HIVEP2: variants seen among roughly 807,000 people sequenced by gnomAD.
HIVEP2 encodes the protein transcription factor HIVEP2.
A neutral mutation model predicts 180.7 loss-of-function variants in HIVEP2; 14 were observed. The ratio of observed to expected loss-of-function variants is 0.08; its 90% CI spans 0.05 to 0.12. The LOEUF (loss-of-function observed/expected upper bound fraction) is 0.12, where lower values mean the gene tolerates loss of function less well. Ranked by LOEUF, HIVEP2 falls within the 10% of genes least tolerant of loss-of-function variation. The pLI, the probability that HIVEP2 is intolerant of heterozygous loss-of-function variation, is 1.00. For synonymous variants in HIVEP2, 1,184 were observed against 1,136.4 expected (o/e 1.04, Z -0.84); for missense variants, 2,579 against 3,008.5 (o/e 0.86, Z 3.34).
Position 142,771,983 on chromosome 6 carries a change from T to G in HIVEP2, c.2756A>C (p.Gln919Pro). ...AAGGGTCTCACTTCTCTGGGGCCAC[T>G]GAAATTCTTCCACAGGCTTCTCTGG... ...KEPEKPVEEF[Q>P]WPQRSETLSQ... Residue 919 changes from glutamine to proline, a missense_variant, in exon 5 of 10, where the codon CAG (glutamine) becomes CCG (proline). Gln to Pro is a moderately conservative substitution (Grantham distance 76, BLOSUM62 -1). Coordinates refer to ENST00000367603, the MANE Select transcript of HIVEP2 (RefSeq NM_006734.4). This position sits in a 1 kb window ranked among gnomAD's most constrained non-coding sequence, Gnocchi z 5.4. 6.2e-7 allele frequency: 1 copy of G among 1,614,218 alleles called. No individual in the cohort carries two copies. Among genetic ancestry groups the G allele is most frequent in the Non-Finnish European group, 8.5e-7 (1 of 1,180,030 alleles).
At chr6:142,831,849 AT>A (rs1456746196) in intron 2 of HIVEP2, among the ~76,000 whole-genome samples, 1 of 152,202 alleles carries the variant, frequency 6.6e-6, no homozygotes, top group African/African-American at 2.4e-5. Context: ...TATAATTAAA[AT>A]TAAACCTGTG....
chr6:142,889,496 G>A (rs954605299), intron 1 of HIVEP2, among the ~76,000 whole-genome samples: 1 of 152,112 alleles, frequency 6.6e-6, no homozygotes, highest in Non-Finnish European at 1.5e-5. Context: ...CAAAACTCCT[G>A]ATGTGGTCTA....
In HIVEP2 at chr6:142,823,527, A is replaced by G. The variant is rs555476194; in HGVS notation, c.-528+13408T>C. On this transcript the variant is annotated intron_variant, in intron 2 of 9. Transcript: ENST00000367603. ...CATTAATGCTTAGGTAAAAGAAAAG[A>G]CTTAAGAGTCATTTCTCTCAGATGG... 3.9e-5 allele frequency among the ~76,000 whole-genome samples: 6 copies of G among 152,302 alleles called. No homozygotes were observed. In the East Asian group the frequency reaches 1.2e-3, roughly 29 times the overall value.
chr6:142,808,758 G>A (rs1335513246), intron 2 of HIVEP2, among the ~76,000 whole-genome samples: 1 of 151,572 alleles, frequency 6.6e-6, no homozygotes, highest in Admixed American at 6.6e-5. Context: ...AGGCAGGGAG[G>A]GAGGAAAGTA....
chr6:142,769,146 C>T (rs1775452568), intron 5 of HIVEP2, among the ~76,000 whole-genome samples: 1 of 152,222 alleles, frequency 6.6e-6, no homozygotes, highest in African/African-American at 2.4e-5. Context: ...CCTTCTTCGT[C>T]TTTCCTTTCA....
At position 142,829,407 on chromosome 6, in the gene HIVEP2, C is replaced by T. The variant is rs140812169; in HGVS notation, c.-528+7528G>A. Among the ~76,000 whole-genome samples, 82 of 152,302 alleles carry T rather than the reference C, an allele frequency of 5.4e-4. 1 individual carries two copies. Among genetic ancestry groups the T allele is most frequent in the African/African-American group, 1.6e-3 (67 of 41,558 alleles). On this transcript the variant is annotated intron_variant, in intron 2 of 9. Coordinates refer to ENST00000367603, the MANE Select transcript of HIVEP2 (RefSeq NM_006734.4). Reference sequence around the variant, plus strand: ...CCTTGCACATCCTTAAAGCTGTCCTCAGGAAATACTTCCTGCTCCCCAAGC... The same window carrying T: ...CCTTGCACATCCTTAAAGCTGTCCTTAGGAAATACTTCCTGCTCCCCAAGC...
chr6:142,871,136 A>G (rs936717653), intron 1 of HIVEP2, among the ~76,000 whole-genome samples: 1 of 152,202 alleles, frequency 6.6e-6, no homozygotes, highest in Admixed American at 6.5e-5. Context: ...CATCTCTGAC[A>G]TTGCAGAAGT....
At chr6:142,881,925 T>C (rs1332657493) in intron 1 of HIVEP2, among the ~76,000 whole-genome samples, 2 of 152,196 alleles carry the variant, frequency 1.3e-5, no homozygotes, top group East Asian at 3.8e-4. Context: ...TGATGGCCAC[T>C]GCCAACCTCT....
intron 1 of HIVEP2, among the ~76,000 whole-genome samples, chr6:142,899,136 C>T (rs1016282105): frequency 1.3e-5 from 2 of 152,188 alleles, no homozygotes; most frequent in Admixed American, 1.3e-4. Context: ...TCCTTTGTGA[C>T]TCTACTCCTC....
At chr6:142,810,260 TA>T (rs1485784292) in intron 2 of HIVEP2, among the ~76,000 whole-genome samples, 1 of 151,928 alleles carries the variant, frequency 6.6e-6, no homozygotes, top group Non-Finnish European at 1.5e-5. Context: ...AATGTTGATA[TA>T]TTTTTTTCAA....
At chr6:142,789,701 A>G (rs1477824918) in intron 2 of HIVEP2, among the ~76,000 whole-genome samples, 2 of 152,210 alleles carry the variant, frequency 1.3e-5, no homozygotes, top group African/African-American at 4.8e-5. Context: ...TATCCACACT[A>G]CTTCCTCTTA....
chr6:142,763,956 T>A (rs1775319745), intron 7 of HIVEP2, among the ~76,000 whole-genome samples: 2 of 152,184 alleles, frequency 1.3e-5, no homozygotes. Context: ...ATAATTTTAC[T>A]TGGTATTTCT....
chr6:142,831,519 C>T (rs992190796), intron 2 of HIVEP2, among the ~76,000 whole-genome samples: 8 of 152,182 alleles, frequency 5.3e-5, no homozygotes, highest in Admixed American at 5.2e-4. Context: ...TTCCCACGCC[C>T]CTTTGTCCTG....
At chr6:142,794,633 T>C (rs1161781352) in intron 2 of HIVEP2, among the ~76,000 whole-genome samples, 1 of 152,218 alleles carries the variant, frequency 6.6e-6, no homozygotes, top group African/African-American at 2.4e-5. Flanking sequence ...TATGGTCAAA[T>C]TTCCAGCTAC....
At chr6:142,844,226 T>C (rs1454182591) in intron 1 of HIVEP2, among the ~76,000 whole-genome samples, 2 of 152,018 alleles carry the variant, frequency 1.3e-5, no homozygotes, top group Non-Finnish European at 2.9e-5. Flanking sequence ...TATTGCACAA[T>C]GGATTCAACA....
intron 2 of HIVEP2, among the ~76,000 whole-genome samples, chr6:142,789,405 T>C (rs1776084883): frequency 6.6e-6 from 1 of 152,256 alleles, no homozygotes; most frequent in Admixed American, 6.5e-5. Flanking sequence ...TTGACCCAAT[T>C]TGACATCACG....
At chr6:142,870,083 A>G (rs1776249980) in intron 1 of HIVEP2, among the ~76,000 whole-genome samples, 1 of 151,986 alleles carries the variant, frequency 6.6e-6, no homozygotes, top group African/African-American at 2.4e-5. Context: ...TTCATGTTCT[A>G]CATATCACAG....
In HIVEP2 at chr6:142,843,936, A is replaced by G. The variant is rs773135541; in HGVS notation, c.-640-6889T>C. ...CAGAGCATTAGAATCATAACTTTTC[A>G]CTACAATAGATTTAATAATCTTCTG... On this transcript the variant is annotated intron_variant, in intron 1 of 9. Coordinates refer to ENST00000367603, the MANE Select transcript of HIVEP2 (RefSeq NM_006734.4). Among the ~76,000 whole-genome samples the G allele has an allele frequency of 5.9e-4, 90 of 152,172 alleles. 1 individual carries two copies. Among genetic ancestry groups the G allele is most frequent in the Admixed American group, 3.3e-4 (5 of 15,276 alleles).
chr6:142,834,687 C>A (rs1041319992), intron 2 of HIVEP2, among the ~76,000 whole-genome samples: 1 of 152,036 alleles, frequency 6.6e-6, no homozygotes, highest in African/African-American at 2.4e-5. Flanking sequence ...TATGTACTAA[C>A]TTTTCAAAAA....
Sources: allele counts gnomAD v4.1 joint callset (sites outside exome capture counted in the v4.1 genomes callset), GRCh38; gene constraint gnomAD v4.1.1; non-coding constraint Gnocchi (gnomAD v3.1); transcripts MANE v1.5; gene names NCBI Gene and HGNC (gene_info 2026-07-23, HGNC 2026-07-21).